Variants in FLYWCH2 observed in about 807,000 individuals in gnomAD.
The protein encoded by FLYWCH2 is FLYWCH family member 2.
A neutral mutation model predicts 6.0 loss-of-function variants in FLYWCH2; 2 were observed. The observed-to-expected ratio is 0.33, with a 90% CI of 0.14 to 1.04. FLYWCH2 has a LOEUF of 1.04. FLYWCH2 is among the 50% of genes least tolerant of loss of function. The pLI is 0.45. For missense variants in FLYWCH2, 192 were observed against 183.4 expected (o/e 1.05, Z -0.27); for synonymous variants, 87 against 79.3 (o/e 1.10, Z -0.52).
intron 3 of FLYWCH2, chr16:2,898,638 G>T (rs73480924): frequency 0.018 from 2,940 of 166,394 alleles, 95 homozygotes; most frequent in African/African-American, 0.065. Context: ...GCCTTTGTGA[G>T]AATTGGAGCA....
chr16:2,898,798 G>A (rs987819159), intron 3 of FLYWCH2: 7 of 383,324 alleles, frequency 1.8e-5, no homozygotes, highest in Non-Finnish European at 2.8e-5. Flanking sequence ...CGATGGCTGC[G>A]GCTTCCCAGT....
intron 1 of FLYWCH2, among the ~76,000 whole-genome samples, chr16:2,892,219 G>A (rs2069765632): frequency 6.7e-6 from 1 of 149,972 alleles, no homozygotes; most frequent in East Asian, 2.0e-4. Flanking sequence ...TACAGGCCAG[G>A]TGTGGTAGCT....
chr16:2,894,412 C>G (rs1464267192), intron 1 of FLYWCH2, among the ~76,000 whole-genome samples: 1 of 152,090 alleles, frequency 6.6e-6, no homozygotes, highest in Non-Finnish European at 1.5e-5. Context: ...GTGTGGGAGG[C>G]GTGGGGAGAT....
chr16:2,898,962 AGAGT>A (rs1236832994), intron 3 of FLYWCH2, 83 bp from the exon 4 acceptor site: 1 of 1,000,998 alleles, frequency 1.0e-6, no homozygotes, highest in Non-Finnish European at 1.5e-6. Context: ...GGTTGGGGTG[AGAGT>A]GAGGCCTGGT....
intron 1 of FLYWCH2, among the ~76,000 whole-genome samples, chr16:2,887,252 C>T (rs1424509348): frequency 1.3e-5 from 2 of 151,648 alleles, no homozygotes; most frequent in Non-Finnish European, 2.9e-5. Context: ...CTTAAGCAAT[C>T]CTTCCACCTC....
intron 2 of FLYWCH2, among the ~76,000 whole-genome samples, chr16:2,896,096 T>C (rs889203679): frequency 9.9e-5 from 15 of 152,236 alleles, no homozygotes; most frequent in Non-Finnish European, 1.5e-4. Context: ...CCATTAGTCA[T>C]TCTGATGGCC....
chr16:2,895,930 G>T (rs1186938362), intron 2 of FLYWCH2, among the ~76,000 whole-genome samples: 1 of 152,184 alleles, frequency 6.6e-6, no homozygotes, highest in East Asian at 1.9e-4. Context: ...GATCACCCTG[G>T]CATGTCTCAG....
intron 1 of FLYWCH2, among the ~76,000 whole-genome samples, chr16:2,893,903 G>C (rs2069788433): frequency 6.6e-6 from 1 of 152,080 alleles, no homozygotes. Flanking sequence ...CTCCCAAAGT[G>C]CTGGGATTAC....
At chr16:2,894,715 C>T (rs932473896) in intron 1 of FLYWCH2, among the ~76,000 whole-genome samples, 1 of 152,224 alleles carries the variant, frequency 6.6e-6, no homozygotes, top group Non-Finnish European at 1.5e-5. Flanking sequence ...GAAGGTGCCC[C>T]TGGGGTGGGG....
At chr16:2,891,063 G>A (rs905653763) in intron 1 of FLYWCH2, among the ~76,000 whole-genome samples, 15 of 152,114 alleles carry the variant, frequency 9.9e-5, no homozygotes, top group Non-Finnish European at 1.9e-4. Flanking sequence ...TTGTTATCTG[G>A]GTTATAATCC....
At chr16:2,899,025 C>G (rs550299892) in intron 3 of FLYWCH2, 24 bp from the exon 4 acceptor site, 1 of 1,595,262 alleles carries the variant, frequency 6.3e-7, no homozygotes, top group East Asian at 2.3e-5. Flanking sequence ...TGACACCAGC[C>G]TGATCCACCC....
chr16:2,896,513 C>T lies in FLYWCH2; in HGVS notation c.64C>T (p.Pro22Ser), dbSNP rs376968137. Residue 22 changes from proline to serine, a missense_variant, in exon 3 of 4, where the codon CCC becomes TCC. Transcript: ENST00000396958. Reference protein sequence around the residue: ...ESVKASQEPSPKPGTEVIPAA... With the variant: ...ESVKASQEPSSKPGTEVIPAA... ...TGTGAAGGCCAGCCAGGAGCCATCC[C>T]CCAAGCCAGGCACAGAAGTCATCCC... 10 of 1,613,996 alleles carry T rather than the reference C, an allele frequency of 6.2e-6. No individual in the cohort carries two copies. In the Admixed American group the frequency reaches 1.5e-4, roughly 24 times the overall value.
chr16:2,892,998 C>T (rs1264184657), intron 1 of FLYWCH2, among the ~76,000 whole-genome samples: 1 of 108,868 alleles, frequency 9.2e-6, no homozygotes, highest in Non-Finnish European at 2.0e-5. Context: ...CACATATATA[C>T]ATATATTTTA....
chr16:2,892,355 G>GC (rs2069767629), intron 1 of FLYWCH2, among the ~76,000 whole-genome samples: 1 of 151,748 alleles, frequency 6.6e-6, no homozygotes, highest in African/African-American at 2.4e-5. Context: ...AATTAGCCGG[G>GC]CATGGTGGTG....
chr16:2,894,929 G>A (rs574087661), intron 1 of FLYWCH2, among the ~76,000 whole-genome samples: 1 of 152,300 alleles, frequency 6.6e-6, no homozygotes, highest in South Asian at 2.1e-4. Flanking sequence ...AGAACCTCAA[G>A]CCCAGGTTGG....
At chr16:2,888,921 C>T (rs1446904152) in intron 1 of FLYWCH2, among the ~76,000 whole-genome samples, 1 of 152,036 alleles carries the variant, frequency 6.6e-6, no homozygotes, top group African/African-American at 2.4e-5. Flanking sequence ...TTTATTATTG[C>T]ACTACTTAGG....
intron 1 of FLYWCH2, among the ~76,000 whole-genome samples, chr16:2,894,494 G>GT (rs1458404767): frequency 6.6e-6 from 1 of 152,196 alleles, no homozygotes; most frequent in Non-Finnish European, 1.5e-5. Flanking sequence ...GGGGCCTCCC[G>GT]TAACTCTTTA....
At chr16:2,892,915 T>TA (rs1316522809) in intron 1 of FLYWCH2, among the ~76,000 whole-genome samples, 1 of 134,150 alleles carries the variant, frequency 7.5e-6, no homozygotes, top group African/African-American at 2.9e-5. Flanking sequence ...ATAATATATA[T>TA]TATATATGTC....
rs186022927 is a variant in FLYWCH2 at position 2,895,819 on chromosome 16, C to T, written c.-99+499C>T. On this transcript the variant is annotated intron_variant, in intron 2 of 3. Coordinates refer to ENST00000396958, the MANE Select transcript of FLYWCH2 (RefSeq NM_138439.3). Reference sequence around the variant, plus strand: ...GAGTGTTTAGCTCTGATGCTTGGTGCCCAGGGACACTGATGTCTGTTAACA... The same window carrying T: ...GAGTGTTTAGCTCTGATGCTTGGTGTCCAGGGACACTGATGTCTGTTAACA... Among the ~76,000 whole-genome samples, 3 of 152,340 alleles carry T rather than the reference C, an allele frequency of 2.0e-5. No homozygotes were observed. In the East Asian group the frequency reaches 5.8e-4, roughly 29 times the overall value.
Sources: allele counts gnomAD v4.1 joint callset (sites outside exome capture counted in the v4.1 genomes callset), GRCh38; gene constraint gnomAD v4.1.1; transcripts MANE v1.5; gene names NCBI Gene and HGNC (gene_info 2026-07-23, HGNC 2026-07-21).